Variants in DDC observed in about 807,000 individuals in gnomAD.
The protein encoded by DDC is dopa decarboxylase.
A neutral mutation model predicts 60.0 loss-of-function variants in DDC; 43 were observed. The ratio of observed to expected loss-of-function variants is 0.72; its 90% CI spans 0.56 to 0.92. The LOEUF (loss-of-function observed/expected upper bound fraction) is 0.92. Ranked by LOEUF, DDC falls within the 40% of genes least tolerant of loss-of-function variation. The probability of loss-of-function intolerance (pLI) is 0.00; values close to 1 mark genes in which losing one functional copy is unlikely to be tolerated. For synonymous variants in DDC, 232 were observed against 234.6 expected, an observed-to-expected ratio of 0.99 and a Z score of 0.10; for missense variants, 573 against 620.2, an observed-to-expected ratio of 0.92 and a Z score of 0.81.
At chr7:50,519,743 A>G (rs1243488627) in intron 6 of DDC, among the ~76,000 whole-genome samples, 1 of 151,822 alleles carries the variant, frequency 6.6e-6, no homozygotes, top group African/African-American at 2.4e-5. Flanking sequence ...TGGGGGGAAG[A>G]GTGGGAGCGG....
intron 6 of DDC, among the ~76,000 whole-genome samples, chr7:50,512,366 C>T (rs1359264033): frequency 6.6e-6 from 1 of 152,086 alleles, no homozygotes; most frequent in East Asian, 1.9e-4. Context: ...AATCTGTCTC[C>T]CAGCTAAACA....
rs573039063 is a variant in DDC, at chr7:50,505,895, T to C, written c.715-1836A>G. Among the ~76,000 whole-genome samples the C allele has an allele frequency of 1.6e-4, 24 of 152,312 alleles. 1 individual carries two copies. ...TGTTTAAATGTAGGCTTTCTTCTTGTTCAGGATGGTGAGCCCAACAAGTCA... is the reference window on the plus strand; with the variant it reads ...TGTTTAAATGTAGGCTTTCTTCTTGCTCAGGATGGTGAGCCCAACAAGTCA... On this transcript the variant is annotated intron_variant, in intron 6 of 14. Coordinates refer to ENST00000444124, the MANE Select transcript of DDC (RefSeq NM_001082971.2).
At chr7:50,480,843 C>A (rs1298105779) in intron 9 of DDC, among the ~76,000 whole-genome samples, 1 of 152,148 alleles carries the variant, frequency 6.6e-6, no homozygotes, top group Non-Finnish European at 1.5e-5. Context: ...GGGCTGCAGA[C>A]AGGGGTCCTC....
intron 1 of DDC, among the ~76,000 whole-genome samples, chr7:50,557,636 T>C (rs867604362): frequency 6.6e-6 from 1 of 152,238 alleles, no homozygotes; most frequent in South Asian, 2.1e-4. Context: ...TTTCACCGTG[T>C]TCCTATGACA....
chr7:50,465,706 A>G (rs2042379928), intron 13 of DDC, among the ~76,000 whole-genome samples: 1 of 152,260 alleles, frequency 6.6e-6, no homozygotes, highest in Non-Finnish European at 1.5e-5. Flanking sequence ...AGTGAATTAT[A>G]TCTCAATAGA....
At chr7:50,556,642 C>A (rs542810603) in intron 1 of DDC, among the ~76,000 whole-genome samples, 159 of 152,308 alleles carry the variant, frequency 1.0e-3, no homozygotes, top group South Asian at 2.5e-3. Context: ...CACACCTGTG[C>A]AAATTCAGGA....
chr7:50,546,118 T>G (rs2044800654), intron 1 of DDC, among the ~76,000 whole-genome samples: 1 of 152,212 alleles, frequency 6.6e-6, no homozygotes, highest in Non-Finnish European at 1.5e-5. Flanking sequence ...AGGAATACTC[T>G]AAATTCACTG....
At chr7:50,514,542 C>T (rs1035289322) in intron 6 of DDC, among the ~76,000 whole-genome samples, 4 of 152,200 alleles carry the variant, frequency 2.6e-5, no homozygotes, top group Non-Finnish European at 4.4e-5. Flanking sequence ...CGGGGAAGCA[C>T]CAGAGAAAGG....
intron 10 of DDC, among the ~76,000 whole-genome samples, chr7:50,479,227 G>C (rs10899736): frequency 1.3e-5 from 2 of 152,028 alleles, no homozygotes; most frequent in Non-Finnish European, 2.9e-5. Context: ...CCTGCTAGAC[G>C]TTGCAGGTGG....
At chr7:50,532,346 C>T (rs2044245425) in intron 4 of DDC, among the ~76,000 whole-genome samples, 1 of 152,184 alleles carries the variant, frequency 6.6e-6, no homozygotes, top group Non-Finnish European at 1.5e-5. Context: ...AATATTCCTA[C>T]CCAAATGCTA....
intron 13 of DDC, among the ~76,000 whole-genome samples, chr7:50,465,909 G>A (rs546018356): frequency 2.6e-5 from 4 of 152,244 alleles, no homozygotes; most frequent in Admixed American, 6.5e-5. Flanking sequence ...TTGCCCTCTC[G>A]GTCCTCTGTG....
At chr7:50,521,618 A>C (rs2043892708) in intron 6 of DDC, among the ~76,000 whole-genome samples, 1 of 152,240 alleles carries the variant, frequency 6.6e-6, no homozygotes, top group Admixed American at 6.5e-5. Flanking sequence ...AGAAAAATAA[A>C]TTAATATAAT....
At chr7:50,499,737 T>A (rs11575387) in intron 7 of DDC, among the ~76,000 whole-genome samples, 1 of 152,114 alleles carries the variant, frequency 6.6e-6, no homozygotes, top group African/African-American at 2.4e-5. Context: ...TTACACCATC[T>A]TAGACCATCC....
chr7:50,492,727 T>C (rs907344889), intron 9 of DDC: 7 of 1,423,454 alleles, frequency 4.9e-6, no homozygotes, highest in Middle Eastern at 2.6e-4. Context: ...CTCATCCCTG[T>C]GTGTCCTGTG....
chr7:50,487,343 C>T (rs1258094727), intron 9 of DDC, among the ~76,000 whole-genome samples: 1 of 152,012 alleles, frequency 6.6e-6, no homozygotes, highest in Admixed American at 6.6e-5. Context: ...ATTAAGTAAT[C>T]CTTGATTTTT....
chr7:50,562,020 T>C (rs1412314986), intron 1 of DDC, among the ~76,000 whole-genome samples: 1 of 152,012 alleles, frequency 6.6e-6, no homozygotes, highest in East Asian at 1.9e-4. Flanking sequence ...TACACACACA[T>C]ACACATACCA....
chr7:50,460,391 C>G (rs1316684964), intron 14 of DDC, among the ~76,000 whole-genome samples: 8 of 149,916 alleles, frequency 5.3e-5, no homozygotes, highest in Non-Finnish European at 1.0e-4. Flanking sequence ...GGCCAGCCGC[C>G]CCATCCGGGA....
At chr7:50,530,480 G>A (rs1235846036) in intron 4 of DDC, among the ~76,000 whole-genome samples, 3 of 152,122 alleles carry the variant, frequency 2.0e-5, no homozygotes, top group Admixed American at 2.0e-4. Context: ...TATTTTGTTA[G>A]GGAACCCCTG....
chr7:50,492,554 C>T lies in DDC; in HGVS notation c.944+2796G>A, dbSNP rs79078439. ...AGGTTCCTCAAGTATTGCAACCACC[C>T]TGCCCCACCACTGTCGCCCACTCCA... On this transcript the variant is annotated intron_variant, in intron 9 of 14. Coordinates refer to ENST00000444124, the MANE Select transcript of DDC (RefSeq NM_001082971.2). 1,225 of 363,188 alleles carry T rather than the reference C, an allele frequency of 3.4e-3. 17 individuals carry two copies. The highest frequency in any genetic ancestry group is 0.025 in the African/African-American group (1,156 of 46,724). 22.5% of individuals were successfully genotyped at this position (363,188 alleles called of 1,614,324 possible).
Sources: allele counts gnomAD v4.1 joint callset (sites outside exome capture counted in the v4.1 genomes callset), GRCh38; gene constraint gnomAD v4.1.1; transcripts MANE v1.5; gene names NCBI Gene and HGNC (gene_info 2026-07-23, HGNC 2026-07-21).